PROCA1: variants seen among roughly 807,000 people sequenced by gnomAD.
The protein encoded by PROCA1 is protein interacting with cyclin A1.
A neutral mutation model predicts 23.2 loss-of-function variants in PROCA1; 22 were observed. The ratio of observed to expected loss-of-function variants is 0.95; its 90% CI spans 0.68 to 1.35. The LOEUF is 1.35. Ranked by LOEUF, PROCA1 falls within the 40% of genes most tolerant of loss-of-function variation. The probability of loss-of-function intolerance (pLI) is 0.00; values close to 1 mark genes in which losing one functional copy is unlikely to be tolerated. For synonymous variants in PROCA1, 182 were observed against 179.2 expected, an observed-to-expected ratio of 1.02 and a Z score of -0.12; for missense variants, 469 against 459.8, an observed-to-expected ratio of 1.02 and a Z score of -0.18.
chr17:28,711,483 G>T lies in PROCA1; in HGVS notation c.91+87C>A, dbSNP rs1332652757. On this transcript the variant is annotated intron_variant, in intron 1 of 4. Transcript: ENST00000682792. ...TCTCGTTGGTTTGCCCGTCTCCCTCGTCGGTTTGCCGGCTTCCCGCGTGCG... is the reference window on the plus strand; with the variant it reads ...TCTCGTTGGTTTGCCCGTCTCCCTCTTCGGTTTGCCGGCTTCCCGCGTGCG... The T allele has an allele frequency of 6.2e-6, 7 of 1,136,236 alleles. No homozygotes were observed. In the South Asian group the frequency reaches 8.7e-5, roughly 14 times the overall value. 70.4% of individuals were successfully genotyped at this position (1,136,236 alleles called of 1,614,324 possible).
intron 1 of PROCA1, among the ~76,000 whole-genome samples, chr17:28,710,270 G>A (rs1421617328): frequency 3.3e-5 from 5 of 151,910 alleles, no homozygotes; most frequent in African/African-American, 9.7e-5. Context: ...AGGCCGAGGT[G>A]GGCGGATCAC....
chr17:28,711,405 C>T, intron 1 of PROCA1, 165 bp downstream of exon 1: 3 of 508,090 alleles, frequency 5.9e-6, no homozygotes, highest in Non-Finnish European at 9.2e-6. Context: ...GCCCCCGGCC[C>T]TAGCTCCGCC....
chr17:28,710,994 G>A, intron 1 of PROCA1: 4 of 679,602 alleles, frequency 5.9e-6, no homozygotes, highest in Non-Finnish European at 8.8e-6. Flanking sequence ...GGGAGGGAAG[G>A]AGTAGGGCGG....
intron 1 of PROCA1, among the ~76,000 whole-genome samples, chr17:28,710,226 C>A (rs896285066): frequency 9.2e-5 from 14 of 151,834 alleles, no homozygotes; most frequent in African/African-American, 3.4e-4. Context: ...TGGCCAGGCG[C>A]GGTGGCTCAT....
chr17:28,708,921 G>C (rs1313079433), intron 1 of PROCA1, among the ~76,000 whole-genome samples: 3 of 151,984 alleles, frequency 2.0e-5, no homozygotes, highest in African/African-American at 7.3e-5. Flanking sequence ...CCTGAGCCCA[G>C]GGAGATCGAG....
chr17:28,709,690 T>C (rs2151689500), intron 1 of PROCA1, among the ~76,000 whole-genome samples: 1 of 151,836 alleles, frequency 6.6e-6, no homozygotes, highest in African/African-American at 2.4e-5. Flanking sequence ...CACGTTCAGC[T>C]CCATATGCAA....
intron 1 of PROCA1, chr17:28,707,138 G>C (rs370799679): frequency 8.0e-6 from 2 of 249,450 alleles, no homozygotes; most frequent in South Asian, 9.5e-5. Context: ...CCAGGGTCTA[G>C]GCAAGGAGGG....
At chr17:28,706,164 T>G (rs1597734139) in intron 2 of PROCA1, 1 of 159,560 alleles carries the variant, frequency 6.3e-6, no homozygotes, top group East Asian at 1.8e-4. Context: ...TCTTGTACCC[T>G]TTATCCCCCG....
Position 28,703,549 on chromosome 17 carries a change from AC to A in PROCA1, c.*8del. On this transcript the variant is annotated 3_prime_UTR_variant, in exon 5 of 5. Transcript: ENST00000682792. ...ATGGCATTTATTCTGCACCCTGACCACCCTGGCCTCAACTGAGGTTGGGGTT... is the reference window on the plus strand; with the variant it reads ...ATGGCATTTATTCTGCACCCTGACCACCTGGCCTCAACTGAGGTTGGGGTT... 7 of 1,610,434 alleles carry A rather than the reference AC, an allele frequency of 4.3e-6. No homozygotes were observed. Among genetic ancestry groups the A allele is most frequent in the Non-Finnish European group, 5.9e-6 (7 of 1,178,062 alleles).
At chr17:28,704,252 G>A in intron 4 of PROCA1, 40 bp from the exon 5 acceptor site, 1 of 1,571,852 alleles carries the variant, frequency 6.4e-7, no homozygotes. Flanking sequence ...ACAGAGAGTG[G>A]GGGGCAGTGC....
rs2032798780 is a variant in PROCA1, at chr17:28,711,770, C to T, written c.-110G>A. ...GCCGTGAACTCCAGTCTCGGCTTCG[C>T]CCCCGCCTAGCCCCTAACCCCGCCT... On this transcript the variant is annotated 5_prime_UTR_variant, in exon 1 of 5. Coordinates refer to ENST00000682792, the MANE Select transcript of PROCA1 (RefSeq NM_001366301.1). 3.2e-6 allele frequency: 3 copies of T among 927,168 alleles called. No individual in the cohort carries two copies. Among genetic ancestry groups the T allele is most frequent in the Admixed American group, 6.5e-5 (2 of 30,714 alleles). The allele number at this position is 927,168 out of a possible 1,614,324, so 57.4% of individuals were successfully genotyped here.
In PROCA1 at chr17:28,711,641, A is replaced by T; in HGVS notation, c.20T>A (p.Leu7His). 1 of 1,612,092 alleles carries T rather than the reference A, an allele frequency of 6.2e-7. No homozygotes were observed. The highest frequency in any genetic ancestry group is 8.5e-7 in the Non-Finnish European group (1 of 1,179,394). Residue 7 changes from leucine (L) to histidine (H), a missense_variant, in exon 1 of 5, where the codon CTC (leucine) becomes CAC (histidine). Leu to His is a moderately conservative substitution (Grantham distance 99, BLOSUM62 -3). Coordinates refer to ENST00000682792, the MANE Select transcript of PROCA1 (RefSeq NM_001366301.1). ...TTCCTTAGTCCATCTTTCAATTGTG[A>T]GCGTCGTCCTGACCCACATCGCTCT... is the stretch of plus-strand genomic sequence containing the variant. MWVRTT[L>H]TIERWTKEKT...
chr17:28,703,651 T>C lies in PROCA1; in HGVS notation c.1002A>G (p.Thr334=), dbSNP rs1266757211. The change falls in exon 5 of 5, where the codon ACA becomes ACG. Residue 334 remains threonine, a synonymous_variant. Transcript: ENST00000682792. ...TTGCCCCTGTCTTTTTGGCCTGGAC[T>C]GTGTTCTCTCTCTTCCTGGGCGATG... is the stretch of plus-strand genomic sequence containing the variant. ...ESSSPRKREN[T]VQAKKTGAKP... 1.2e-6 allele frequency: 2 copies of C among 1,614,230 alleles called. No homozygotes were observed. The highest frequency in any genetic ancestry group is 2.2e-5 in the South Asian group (2 of 91,082).
At position 28,703,657 on chromosome 17, in the gene PROCA1, C is replaced by G; in HGVS notation, c.996G>C (p.Glu332Asp). 1 of 1,614,178 alleles carries G rather than the reference C, an allele frequency of 6.2e-7. No homozygotes were observed. The highest frequency in any genetic ancestry group is 8.5e-7 in the Non-Finnish European group (1 of 1,180,036). The change falls in exon 5 of 5, where the codon GAG (glutamate) becomes GAC (aspartate). Residue 332 changes from glutamate to aspartate, a missense_variant. By Grantham distance (45) the Glu-to-Asp change is conservative. Transcript: ENST00000682792. The part of the protein sequence containing the change: ...IVESSSPRKR[E>D]NTVQAKKTGA... ...CTGTCTTTTTGGCCTGGACTGTGTT[C>G]TCTCTCTTCCTGGGCGATGATGATT...
chr17:28,704,863 G>C lies in PROCA1; in HGVS notation c.176-20C>G. The C allele has an allele frequency of 6.2e-7, 1 of 1,610,170 alleles. No homozygotes were observed. The highest frequency in any genetic ancestry group is 8.5e-7 in the Non-Finnish European group (1 of 1,179,084). On this transcript the variant is annotated intron_variant, in intron 2 of 4. Coordinates refer to ENST00000682792, the MANE Select transcript of PROCA1 (RefSeq NM_001366301.1). ...AGTCACCTGAGGGGGCAGGAGTCTG[G>C]GTCATCAGTAGCAGCCGCAGACCTC...
chr17:28,706,853 G>T, intron 1 of PROCA1, 90 bp from the exon 2 acceptor site: 3 of 1,235,136 alleles, frequency 2.4e-6, no homozygotes, highest in Non-Finnish European at 3.2e-6. Context: ...CCACATGTCA[G>T]GCCCTCGCTG....
At position 28,706,667 on chromosome 17, in the gene PROCA1, C is replaced by G. The variant is rs200077519; in HGVS notation, c.175+13G>C. 6.1e-6 allele frequency: 8 copies of G among 1,302,276 alleles called. No individual in the cohort carries two copies. The highest frequency in any genetic ancestry group is 1.5e-5 in the African/African-American group (1 of 65,598). The allele number at this position is 1,302,276 out of a possible 1,614,324, so 80.7% of individuals were successfully genotyped here. Reference sequence around the variant, plus strand: ...GATGAGGATCCCCTGGGTCAAAGGTCTCCTGGACCCACCTTCAGAGAAGGT... The same window carrying G: ...GATGAGGATCCCCTGGGTCAAAGGTGTCCTGGACCCACCTTCAGAGAAGGT... On this transcript the variant is annotated intron_variant, in intron 2 of 4. Transcript: ENST00000682792.
intron 1 of PROCA1, among the ~76,000 whole-genome samples, chr17:28,708,824 C>T (rs1184781914): frequency 1.3e-5 from 2 of 151,744 alleles, no homozygotes; most frequent in Non-Finnish European, 2.9e-5. Flanking sequence ...GGCAAAACCC[C>T]ATCTCTACAA....
In PROCA1 at chr17:28,703,696, G is replaced by A. The variant is rs369557485; in HGVS notation, c.957C>T (p.Ser319=). ...YNGRGQGELS[S]EDIVESSSPR... ...GCGATGATGATTCCACAATATCCTC[G>A]CTGGACAGTTCTCCCTGCCCCCGGC... Residue 319 remains serine (S), a synonymous_variant, in exon 5 of 5, where the codon AGC becomes AGT. Coordinates refer to ENST00000682792, the MANE Select transcript of PROCA1 (RefSeq NM_001366301.1). 2.7e-5 allele frequency: 44 copies of A among 1,614,062 alleles called. No homozygotes were observed. The highest frequency in any genetic ancestry group is 2.1e-4 in the African/African-American group (16 of 74,986).
Sources: gnomAD v4.1 joint callset for allele counts (sites outside exome capture counted in the v4.1 genomes callset) on GRCh38, gnomAD v4.1.1 for gene constraint, MANE v1.5 for transcripts, NCBI Gene and HGNC (gene_info 2026-07-23, HGNC 2026-07-21) for gene names.